The following DKK3 variants were observed in gnomAD, a reference collection of about 807,000 sequenced individuals.
DKK3 encodes the protein dickkopf-related protein 3.
Under a neutral mutation model 33.2 loss-of-function variants are expected in DKK3, and 22 were observed. That is an observed-to-expected ratio of 0.66 (90% CI 0.47 to 0.95). The LOEUF (loss-of-function observed/expected upper bound fraction) is 0.95, where lower values mean the gene tolerates loss of function less well. Among genes scored for constraint, DKK3 ranks in the 40% least tolerant of loss-of-function variants. The pLI, the probability that DKK3 is intolerant of heterozygous loss-of-function variation, is 0.00. For synonymous variants in DKK3, 194 were observed against 188.8 expected, an observed-to-expected ratio of 1.03 and a Z score of -0.23; for missense variants, 398 against 458.4, an observed-to-expected ratio of 0.87 and a Z score of 1.20.
intron 3 of DKK3, among the ~76,000 whole-genome samples, chr11:11,989,595 G>A (rs976869044): frequency 6.6e-6 from 1 of 152,138 alleles, no homozygotes; most frequent in South Asian, 2.1e-4. Context: ...CAGGAGGGGG[G>A]CATTGTTTAA....
upstream of DKK3, chr11:12,009,324 G>T: frequency 1.0e-6 from 1 of 981,924 alleles, no homozygotes; most frequent in Non-Finnish European, 1.2e-6. Flanking sequence ...GTACCCGAGG[G>T]AGCCCGCAAG....
At chr11:11,997,889 G>T (rs754465581) in intron 3 of DKK3, among the ~76,000 whole-genome samples, 15 of 152,176 alleles carry the variant, frequency 9.9e-5, no homozygotes, top group Non-Finnish European at 1.8e-4. Context: ...AATCCTCAGT[G>T]CCCTGGGAAG....
At chr11:11,977,376 T>C (rs1049490802) in intron 3 of DKK3, among the ~76,000 whole-genome samples, 1 of 152,056 alleles carries the variant, frequency 6.6e-6, no homozygotes, top group Admixed American at 6.5e-5. Context: ...AGCTTGTTCC[T>C]TCCTCCAGGA....
chr11:11,996,295 T>C (rs1446475396), intron 3 of DKK3, among the ~76,000 whole-genome samples: 1 of 152,162 alleles, frequency 6.6e-6, no homozygotes, highest in Admixed American at 6.5e-5. Flanking sequence ...AGTAAACTAG[T>C]CTTTATCGCT....
rs761390228 is a variant in DKK3, at chr11:11,965,931, C to T, written c.708G>A (p.Val236=). ...LLFPVCTPLP[V]EGELCHDPAS... ...CGGGGTCATGGCAAAGCTCGCCCTC[C>T]ACGGGCAGGGGTGTGCACACAGGGA... Residue 236 remains valine, a synonymous_variant, in exon 6 of 7, where the codon GTG becomes GTA. Transcript: ENST00000683431. 4 of 1,613,634 alleles carry T rather than the reference C, an allele frequency of 2.5e-6. No homozygotes were observed. The highest frequency in any genetic ancestry group is 1.7e-5 in the Admixed American group (1 of 60,014).
chr11:12,002,921 G>A (rs1187485928), intron 1 of DKK3, among the ~76,000 whole-genome samples: 2 of 152,154 alleles, frequency 1.3e-5, no homozygotes, highest in East Asian at 3.8e-4. Context: ...AGTCTGCAGA[G>A]GCCCCAAGTG....
intron 2 of DKK3, among the ~76,000 whole-genome samples, chr11:12,001,488 C>A (rs1848426934): frequency 6.6e-6 from 1 of 152,198 alleles, no homozygotes; most frequent in South Asian, 2.1e-4. Flanking sequence ...TGTGCCCTTG[C>A]ATACAGGAGT....
intron 1 of DKK3, among the ~76,000 whole-genome samples, chr11:12,004,660 T>C (rs1368757042): frequency 6.6e-6 from 1 of 152,238 alleles, no homozygotes; most frequent in Non-Finnish European, 1.5e-5. Flanking sequence ...CTCAGCTTGC[T>C]CATTTGTAAA....
intron 3 of DKK3, among the ~76,000 whole-genome samples, chr11:11,988,847 G>A (rs576681880): frequency 2.8e-4 from 42 of 152,330 alleles, no homozygotes; most frequent in Non-Finnish European, 5.3e-4. Flanking sequence ...TACAGACCAG[G>A]GTGAGGGGTG....
At chr11:11,978,476 C>T (rs1564912060) in intron 3 of DKK3, among the ~76,000 whole-genome samples, 2 of 117,470 alleles carry the variant, frequency 1.7e-5, no homozygotes, top group Non-Finnish European at 4.1e-5. Context: ...TCCACTTCTT[C>T]TTTTTCTTCC....
intron 3 of DKK3, 71 bp from the exon 4 acceptor site, chr11:11,968,558 G>T (rs1016557622): frequency 5.5e-6 from 8 of 1,448,878 alleles, no homozygotes; most frequent in Non-Finnish European, 7.6e-6. Context: ...CCCAGGAAGG[G>T]CCAGGCCCGC....
rs761975705 is a variant in DKK3 at position 11,967,102 on chromosome 11, C to T, written c.529-4G>A. ...ACTCACTGTCCCGGGTGCAGAGCTG[C>T]AGACAGGTGGAAAGAGCCTAGAGCC... On this transcript the variant is annotated splice_region_variant and splice_polypyrimidine_tract_variant and intron_variant, in intron 4 of 6. Coordinates refer to ENST00000683431, the MANE Select transcript of DKK3 (RefSeq NM_001018057.2). The T allele has an allele frequency of 1.2e-6, 2 of 1,612,832 alleles. No homozygotes were observed. The highest frequency in any genetic ancestry group is 1.1e-5 in the South Asian group (1 of 90,864).
intron 4 of DKK3, among the ~76,000 whole-genome samples, chr11:11,967,398 C>G (rs1847623760): frequency 6.6e-6 from 1 of 152,228 alleles, no homozygotes; most frequent in African/African-American, 2.4e-5. Context: ...CAGACTTGTG[C>G]TGTTCCCTTT....
intron 3 of DKK3, among the ~76,000 whole-genome samples, chr11:11,992,467 C>T (rs907895307): frequency 1.3e-5 from 2 of 152,212 alleles, no homozygotes; most frequent in African/African-American, 4.8e-5. Flanking sequence ...AGGCAGTAGC[C>T]TGCATGTCCC....
chr11:12,008,351 G>T lies in DKK3; in HGVS notation c.213+19C>A, dbSNP rs201882738. ...AGTCTGGCGCTTCTCAGAGCCCCGC[G>T]CCGCCAGGGCGCACCCACCTCTTCC... On this transcript the variant is annotated intron_variant, in intron 1 of 6. Transcript: ENST00000683431. This position sits in a 1 kb window ranked among gnomAD's most constrained non-coding sequence, Gnocchi z 4.6. 2 of 1,596,574 alleles carry T rather than the reference G, an allele frequency of 1.3e-6. No individual in the cohort carries two copies. The highest frequency in any genetic ancestry group is 3.4e-5 in the Admixed American group (2 of 59,132).
rs1358280750 is a variant in DKK3, at chr11:12,008,075, C to T, written c.213+295G>A. On this transcript the variant is annotated intron_variant, in intron 1 of 6. Transcript: ENST00000683431. This position sits in a 1 kb window ranked among gnomAD's most constrained non-coding sequence, Gnocchi z 4.6. ...CTCTGCTGACAATAGGGAAGGCCAACGGCATGCCTGACGCCAACTGCAGGC... is the reference window on the plus strand; with the variant it reads ...CTCTGCTGACAATAGGGAAGGCCAATGGCATGCCTGACGCCAACTGCAGGC... Among the ~76,000 whole-genome samples, 3 of 152,082 alleles carry T rather than the reference C, an allele frequency of 2.0e-5. No homozygotes were observed. Among genetic ancestry groups the T allele is most frequent in the Non-Finnish European group, 4.4e-5 (3 of 68,028 alleles).
intron 3 of DKK3, among the ~76,000 whole-genome samples, chr11:11,985,905 G>A (rs1031245094): frequency 6.6e-6 from 1 of 152,176 alleles, no homozygotes; most frequent in Non-Finnish European, 1.5e-5. Context: ...TATGACTTCT[G>A]GCCTTTGATT....
intron 3 of DKK3, among the ~76,000 whole-genome samples, chr11:11,988,646 G>GC (rs1564917527): frequency 2.0e-5 from 3 of 152,228 alleles, no homozygotes; most frequent in African/African-American, 7.2e-5. Flanking sequence ...GAAGTGGGAG[G>GC]CCCCTCATGC....
chr11:11,967,749 C>A (rs1847633283), intron 4 of DKK3, among the ~76,000 whole-genome samples: 1 of 152,240 alleles, frequency 6.6e-6, no homozygotes, highest in African/African-American at 2.4e-5. Flanking sequence ...GTGGCTTCGT[C>A]CAAAATGCCT....
Sources: gnomAD v4.1 joint callset for allele counts (sites outside exome capture counted in the v4.1 genomes callset) on GRCh38, gnomAD v4.1.1 for gene constraint, Gnocchi (gnomAD v3.1) non-coding constraint, MANE v1.5 for transcripts, NCBI Gene and HGNC (gene_info 2026-07-23, HGNC 2026-07-21) for gene names.